Variants in THOC1 observed in about 807,000 individuals in gnomAD.
The protein encoded by THOC1 is THO complex 1.
Under a neutral mutation model 97.3 loss-of-function variants are expected in THOC1, and 29 were observed. That is an observed-to-expected ratio of 0.30 (90% CI 0.22 to 0.41). The LOEUF is 0.41. Ranked by LOEUF, THOC1 falls within the 10% of genes least tolerant of loss-of-function variation. The pLI is 1.00. For missense variants in THOC1, 529 were observed against 761.9 expected (o/e 0.69, Z 3.60); for synonymous variants, 255 against 257.0 (o/e 0.99, Z 0.07).
rs755185543 is a variant in THOC1 at position 226,809 on chromosome 18, T to C, written c.1011A>G (p.Lys337=). 3.1e-6 allele frequency: 5 copies of C among 1,609,808 alleles called. No individual in the cohort carries two copies. The South Asian group carries it at 5.6e-5, about 18-fold the overall frequency. Residue 337 remains lysine (K), a synonymous_variant, in exon 12 of 21, where the codon AAA becomes AAG. Coordinates refer to ENST00000261600, the MANE Select transcript of THOC1 (RefSeq NM_005131.3). ...ILFQYLKGQV[K]FKSSNYVLTD... The stretch of plus-strand genomic sequence containing the variant: ...TACCCATATTATCTTACCTTTTGAA[T>C]TTGACCTGCCCCTTGAGATATTGGA...
intron 11 of THOC1, among the ~76,000 whole-genome samples, chr18:235,874 A>G (rs2143209880): frequency 6.6e-6 from 1 of 152,192 alleles, no homozygotes; most frequent in Admixed American, 6.5e-5. Flanking sequence ...CAAATCTTCC[A>G]TATACTTAAC....
chr18:228,338 C>T (rs1567845500), intron 11 of THOC1, among the ~76,000 whole-genome samples: 1 of 152,146 alleles, frequency 6.6e-6, no homozygotes, highest in Non-Finnish European at 1.5e-5. Flanking sequence ...CTTTAAGGCC[C>T]TTGACCCGTC....
chr18:251,305 T>C (rs1400731776), intron 9 of THOC1, among the ~76,000 whole-genome samples: 1 of 152,232 alleles, frequency 6.6e-6, no homozygotes, highest in African/African-American at 2.4e-5. Context: ...ATTTGAATTC[T>C]GGGATGCCAG....
At chr18:243,825 GT>G (rs1021851747) in intron 11 of THOC1, among the ~76,000 whole-genome samples, 1 of 152,004 alleles carries the variant, frequency 6.6e-6, no homozygotes, top group Non-Finnish European at 1.5e-5. Flanking sequence ...TTCTATATTT[GT>G]TTCATTTAAA....
At chr18:225,047 A>G (rs1237143402) in intron 14 of THOC1, 42 bp downstream of exon 14, 7 of 1,565,472 alleles carry the variant, frequency 4.5e-6, no homozygotes, top group Non-Finnish European at 6.1e-6. Context: ...CTGAAGTTCT[A>G]TTTCGTGCTA....
chr18:262,307 T>G (rs1439881818), intron 4 of THOC1, among the ~76,000 whole-genome samples: 7 of 152,246 alleles, frequency 4.6e-5, no homozygotes, highest in Non-Finnish European at 4.4e-5. Context: ...TTGTATGCTT[T>G]AACCAGTAGC....
chr18:216,088 G>C (rs1252634590), intron 19 of THOC1: 1 of 164,204 alleles, frequency 6.1e-6, no homozygotes, highest in African/African-American at 2.4e-5. Flanking sequence ...TGAGTAGCTG[G>C]GACTACAGGC....
chr18:216,672 G>C, intron 18 of THOC1, 39 bp from the exon 19 acceptor site: 2 of 1,591,480 alleles, frequency 1.3e-6, no homozygotes, highest in Non-Finnish European at 1.7e-6. Context: ...TTATAGCTTT[G>C]TATTTCTGTA....
At chr18:233,714 C>G (rs1911575130) in intron 11 of THOC1, among the ~76,000 whole-genome samples, 1 of 152,166 alleles carries the variant, frequency 6.6e-6, no homozygotes, top group Non-Finnish European at 1.5e-5. Context: ...TATATTAGTA[C>G]TAATAATTAC....
At chr18:224,888 G>GAGTATGTATTTACCTTTCTTTC in intron 15 of THOC1, 36 bp downstream of exon 15, 2 of 1,493,556 alleles carry the variant, frequency 1.3e-6, no homozygotes, top group South Asian at 1.2e-5. Flanking sequence ...TTCTTGTGAT[G>GAGTATGTATTTACCTTTCTTTC]AGTATGTATT....
intron 18 of THOC1, among the ~76,000 whole-genome samples, chr18:217,770 C>T (rs938490788): frequency 1.3e-5 from 2 of 152,078 alleles, no homozygotes; most frequent in African/African-American, 4.8e-5. Context: ...GCCAGGGGGA[C>T]TTTAAGCCAC....
At chr18:267,212 C>T (rs964889834) in intron 1 of THOC1, among the ~76,000 whole-genome samples, 3 of 152,072 alleles carry the variant, frequency 2.0e-5, no homozygotes, top group Admixed American at 2.0e-4. Context: ...ACTTACGTTG[C>T]TGTGACGAGC....
intron 20 of THOC1, among the ~76,000 whole-genome samples, chr18:215,186 G>A (rs1003535913): frequency 6.6e-6 from 1 of 152,110 alleles, no homozygotes; most frequent in Non-Finnish European, 1.5e-5. Context: ...ACAGAGGTAT[G>A]GGTCGCCTTC....
intron 11 of THOC1, among the ~76,000 whole-genome samples, 194 bp from the exon 12 acceptor site, chr18:227,095 T>C (rs2143176724): frequency 6.6e-6 from 1 of 152,340 alleles, no homozygotes; most frequent in South Asian, 2.1e-4. Flanking sequence ...CTTAGATTTC[T>C]TGACTGTTTT....
intron 11 of THOC1, among the ~76,000 whole-genome samples, chr18:233,836 G>A (rs2143202406): frequency 6.6e-6 from 1 of 152,186 alleles, no homozygotes; most frequent in East Asian, 1.9e-4. Flanking sequence ...GAAATAGTAA[G>A]ACTAACTTTT....
intron 20 of THOC1, 123 bp from the exon 21 acceptor site, chr18:215,044 A>G: frequency 4.7e-6 from 4 of 845,314 alleles, no homozygotes; most frequent in African/African-American, 1.7e-5. Flanking sequence ...GTAAACAATT[A>G]TTTTTTATAT....
At chr18:260,512 A>G (rs1360807403) in intron 4 of THOC1, 1 of 366,796 alleles carries the variant, frequency 2.7e-6, no homozygotes, top group Non-Finnish European at 4.9e-6. Context: ...AATGATGACA[A>G]TAATTCTTGA....
At chr18:265,179 C>T (rs1401030894) in intron 3 of THOC1, 124 bp downstream of exon 3, 1 of 754,460 alleles carries the variant, frequency 1.3e-6, no homozygotes, top group African/African-American at 1.8e-5. Flanking sequence ...TCAACTTTTA[C>T]AAAGCAGAAA....
chr18:226,950 A>C, intron 11 of THOC1, 49 bp from the exon 12 acceptor site: 1 of 1,415,086 alleles, frequency 7.1e-7, no homozygotes, highest in East Asian at 2.4e-5. Context: ...ATTAAAATCA[A>C]GTTTTTCCTA....
Sources: gnomAD v4.1 joint callset for allele counts (sites outside exome capture counted in the v4.1 genomes callset) on GRCh38, gnomAD v4.1.1 for gene constraint, MANE v1.5 for transcripts, NCBI Gene and HGNC (gene_info 2026-07-23, HGNC 2026-07-21) for gene names.